The following NELL1 variants were observed in gnomAD, a reference collection of about 807,000 sequenced individuals.
NELL1 encodes protein kinase C-binding protein NELL1.
A neutral mutation model predicts 107.4 loss-of-function variants in NELL1; 76 were observed. The observed-to-expected ratio is 0.71, with a 90% CI of 0.59 to 0.86. The LOEUF is 0.86. Among genes scored for constraint, NELL1 ranks in the 40% least tolerant of loss-of-function variants. The pLI is 0.00. For missense variants in NELL1, 1,024 were observed against 1,005.5 expected (o/e 1.02, Z -0.25); for synonymous variants, 353 against 341.2 (o/e 1.03, Z -0.38).
At chr11:21,465,456 CTCTAA>C (rs1854004695) in intron 15 of NELL1, among the ~76,000 whole-genome samples, 2 of 152,134 alleles carry the variant, frequency 1.3e-5, no homozygotes, top group South Asian at 2.1e-4. Context: ...GTGTGAAGTT[CTCTAA>C]TCTATTTCCT....
In NELL1 at chr11:21,162,229, G is replaced by A. The variant is rs148949313; in HGVS notation, c.1426+48515G>A. Among the ~76,000 whole-genome samples the A allele has an allele frequency of 9.9e-3, 1,502 of 152,146 alleles. 24 individuals are homozygous for A. The highest frequency in any genetic ancestry group is 0.034 in the African/African-American group (1,410 of 41,524). ...CTCTCAAAGTGCTGGGATTACAGGC[G>A]TGAGCCACTGCGCCCGGCCTGGGAA... is the stretch of plus-strand genomic sequence containing the variant. On this transcript the variant is annotated intron_variant, in intron 13 of 19. Coordinates refer to ENST00000357134, the MANE Select transcript of NELL1 (RefSeq NM_006157.5).
chr11:21,106,997 A>C (rs1234402672), intron 12 of NELL1, among the ~76,000 whole-genome samples: 3 of 152,142 alleles, frequency 2.0e-5, no homozygotes, highest in South Asian at 2.1e-4. Flanking sequence ...TATTGTTTTT[A>C]ATTTTAAAAG....
intron 15 of NELL1, among the ~76,000 whole-genome samples, chr11:21,412,221 T>A (rs1218737389): frequency 6.6e-6 from 1 of 152,140 alleles, no homozygotes; most frequent in Non-Finnish European, 1.5e-5. Flanking sequence ...TTATAAAAAA[T>A]TCTGTTAGAG....
intron 2 of NELL1, among the ~76,000 whole-genome samples, chr11:20,750,873 A>T (rs1856117670): frequency 6.6e-6 from 1 of 152,134 alleles, no homozygotes; most frequent in South Asian, 2.1e-4. Context: ...CAGGCGTGAG[A>T]CACCATGCCC....
intron 15 of NELL1, among the ~76,000 whole-genome samples, chr11:21,498,726 C>CA (rs1855054785): frequency 6.6e-6 from 1 of 151,800 alleles, no homozygotes; most frequent in South Asian, 2.1e-4. Context: ...TATTAGATAT[C>CA]AAAAAATTAT....
intron 12 of NELL1, among the ~76,000 whole-genome samples, chr11:21,002,815 A>C (rs1852252431): frequency 6.6e-6 from 1 of 151,968 alleles, no homozygotes; most frequent in Admixed American, 6.6e-5. Context: ...CAGTTGTCAC[A>C]CTCTGTCTCC....
intron 2 of NELL1, among the ~76,000 whole-genome samples, chr11:20,702,629 T>C (rs2133883364): frequency 6.6e-6 from 1 of 152,284 alleles, no homozygotes; most frequent in East Asian, 1.9e-4. Flanking sequence ...CCATTCAGTA[T>C]GATATTGGTT....
At chr11:20,697,864 T>C (rs182693766) in intron 2 of NELL1, among the ~76,000 whole-genome samples, 3 of 152,304 alleles carry the variant, frequency 2.0e-5, no homozygotes, top group African/African-American at 7.2e-5. Context: ...ACACTGCCCA[T>C]GTGTAACCAT....
intron 14 of NELL1, among the ~76,000 whole-genome samples, chr11:21,335,540 C>G (rs1590847124): frequency 6.6e-6 from 1 of 152,168 alleles, no homozygotes; most frequent in Middle Eastern, 3.4e-3. Context: ...ATTTCCAATG[C>G]CTTTTATTTG....
chr11:21,039,173 A>G (rs1026755169), intron 12 of NELL1, among the ~76,000 whole-genome samples: 1 of 151,896 alleles, frequency 6.6e-6, no homozygotes, highest in Non-Finnish European at 1.5e-5. Context: ...TGACTCCAGG[A>G]ATTTTTCTTT....
At chr11:21,268,145 G>A (rs901792195) in intron 14 of NELL1, among the ~76,000 whole-genome samples, 2 of 152,136 alleles carry the variant, frequency 1.3e-5, no homozygotes, top group Non-Finnish European at 2.9e-5. Flanking sequence ...AACTTATGTG[G>A]GAACCAGGAC....
rs986242211 is a variant in NELL1, at chr11:20,783,926, T to C, written c.335+96T>C. The C allele has an allele frequency of 5.0e-6, 6 of 1,193,242 alleles. No individual in the cohort carries two copies. The South Asian group carries it at 6.3e-5, about 12-fold the overall frequency. 73.9% of individuals were successfully genotyped at this position (1,193,242 alleles called of 1,614,324 possible). A position where few individuals can be genotyped will look rare whatever the true frequency, so the allele number is the denominator to read the frequency against. On this transcript the variant is annotated intron_variant, in intron 3 of 19. Transcript: ENST00000357134. ...AGAGTTTGTAGCCCCATGAAAACTT[T>C]CATCTAACTGAGGCCTCATTTCTGT...
At chr11:21,507,519 T>C (rs1855311121) in intron 15 of NELL1, among the ~76,000 whole-genome samples, 1 of 152,184 alleles carries the variant, frequency 6.6e-6, no homozygotes, top group South Asian at 2.1e-4. Context: ...AATGTTGGAT[T>C]CAAATAGATA....
In NELL1 at chr11:21,400,386, A is replaced by G. The variant is rs117471278; in HGVS notation, c.1645+29438A>G. On this transcript the variant is annotated intron_variant, in intron 15 of 19. Coordinates refer to ENST00000357134, the MANE Select transcript of NELL1 (RefSeq NM_006157.5). ...AAATCTGCCTTTTTATAATTCAGCT[A>G]TTGGTCCTAGGTCTCTATTTTAGAG... 1.6e-3 allele frequency among the ~76,000 whole-genome samples: 244 copies of G among 151,978 alleles called. 1 individual carries two copies. The highest frequency in any genetic ancestry group is 1.6e-3 in the Non-Finnish European group (111 of 67,884).
chr11:21,090,527 G>C (rs764304382), intron 12 of NELL1, among the ~76,000 whole-genome samples: 1 of 152,064 alleles, frequency 6.6e-6, no homozygotes, highest in East Asian at 1.9e-4. Context: ...ATTTGGGCTC[G>C]GCTCTGTCAC....
chr11:21,488,500 T>C (rs1280386456), intron 15 of NELL1, among the ~76,000 whole-genome samples: 1 of 151,936 alleles, frequency 6.6e-6, no homozygotes, highest in African/African-American at 2.4e-5. Flanking sequence ...GGGCTTAGGG[T>C]ATGGTTACTA....
In NELL1 at chr11:20,695,874, G is replaced by A. The variant is rs150380910; in HGVS notation, c.184+17814G>A. Among the ~76,000 whole-genome samples the A allele has an allele frequency of 1.3e-3, 192 of 151,832 alleles. 1 individual carries two copies. The highest frequency in any genetic ancestry group is 4.5e-3 in the African/African-American group (184 of 41,334). The stretch of plus-strand genomic sequence containing the variant: ...GTACCAGCTTTTCTTTGTACATCTG[G>A]TAGAATTTGGCTGTGAATCCATCTG... On this transcript the variant is annotated intron_variant, in intron 2 of 19. Transcript: ENST00000357134.
intron 4 of NELL1, among the ~76,000 whole-genome samples, chr11:20,875,966 C>G (rs746044066): frequency 6.6e-6 from 1 of 152,206 alleles, no homozygotes; most frequent in Non-Finnish European, 1.5e-5. Context: ...AGACCTCTCT[C>G]CTCTCTGTGA....
At position 21,060,010 on chromosome 11, in the gene NELL1, G is replaced by A. The variant is rs186829376; in HGVS notation, c.1301-53579G>A. Among the ~76,000 whole-genome samples, 433 of 152,254 alleles carry A rather than the reference G, an allele frequency of 2.8e-3. 1 individual carries two copies. Among genetic ancestry groups the A allele is most frequent in the Middle Eastern group, 0.01 (3 of 294 alleles). ...TCAAGAGCCCATCTGCCTGGACCCA[G>A]CACACTAGCCATAGTAGCGTGCCTT... On this transcript the variant is annotated intron_variant, in intron 12 of 19. Transcript: ENST00000357134.
Sources: allele counts gnomAD v4.1 joint callset (sites outside exome capture counted in the v4.1 genomes callset), GRCh38; gene constraint gnomAD v4.1.1; transcripts MANE v1.5; gene names NCBI Gene and HGNC (gene_info 2026-07-23, HGNC 2026-07-21).